Variants in TMIGD1 observed in about 807,000 individuals in gnomAD.
The protein encoded by TMIGD1 is transmembrane and immunoglobulin domain containing 1, also known as transmembrane and immunoglobulin domain-containing protein 1.
Under a neutral mutation model 27.5 loss-of-function variants are expected in TMIGD1, and 29 were observed. The ratio of observed to expected loss-of-function variants is 1.05; its 90% CI spans 0.78 to 1.44. The LOEUF (loss-of-function observed/expected upper bound fraction) is 1.44. TMIGD1 is among the 40% of genes most tolerant of loss of function. The pLI is 0.00. For missense variants in TMIGD1, 334 were observed against 310.6 expected (o/e 1.08, Z -0.57); for synonymous variants, 109 against 110.3 (o/e 0.99, Z 0.07).
chr17:30,328,325 T>C (rs1200546361), intron 3 of TMIGD1, among the ~76,000 whole-genome samples: 1 of 152,144 alleles, frequency 6.6e-6, no homozygotes, highest in African/African-American at 2.4e-5. Context: ...CATGAGCCAC[T>C]GTGCCAGGCC....
chr17:30,323,340 C>G (rs1403066655), intron 4 of TMIGD1, among the ~76,000 whole-genome samples: 1 of 152,112 alleles, frequency 6.6e-6, no homozygotes, highest in Admixed American at 6.5e-5. Flanking sequence ...ATCTTGTGCT[C>G]AAGAAAAGAT....
chr17:30,326,697 T>A (rs1019618340), intron 3 of TMIGD1, among the ~76,000 whole-genome samples: 3 of 152,232 alleles, frequency 2.0e-5, no homozygotes, highest in African/African-American at 7.2e-5. Context: ...TCCTTGTACA[T>A]ATCTCTTTAT....
At chr17:30,327,045 T>TACACACGC (rs1909804606) in intron 3 of TMIGD1, among the ~76,000 whole-genome samples, 2 of 146,494 alleles carry the variant, frequency 1.4e-5, no homozygotes, top group African/African-American at 5.0e-5. Flanking sequence ...CAATTAACTA[T>TACACACGC]ACACACACAC....
chr17:30,318,670 T>A (rs543635657), intron 5 of TMIGD1, 140 bp downstream of exon 5: 3 of 579,676 alleles, frequency 5.2e-6, no homozygotes, highest in Non-Finnish European at 9.2e-6. Flanking sequence ...CTTGAGCAAC[T>A]GTATTTTAGA....
At chr17:30,325,896 A>C (rs3110060) in intron 3 of TMIGD1, among the ~76,000 whole-genome samples, 53,714 of 151,940 alleles carry the variant, frequency 0.35, 10,183 homozygotes, top group Admixed American at 0.42. Flanking sequence ...CCTCTACAAT[A>C]AGGGCAGTTG....
rs748383295 is a variant in TMIGD1 at position 30,318,902 on chromosome 17, C to G, written c.652G>C (p.Gly218Arg). ...FHLIVKDKTV[G>R]VPIEPIIAAC... ...GCAATAATGGGCTCTATTGGTACAC[C>G]CACAGTTTTATCTGTAGGAAATGCA... The change falls in exon 5 of 7, where the codon GGT becomes CGT. Residue 218 changes from glycine to arginine, a missense_variant. By Grantham distance (125) the Gly-to-Arg change is moderately radical. Coordinates refer to ENST00000328886, the MANE Select transcript of TMIGD1 (RefSeq NM_206832.3). 1.2e-6 allele frequency: 2 copies of G among 1,612,182 alleles called. No homozygotes were observed. Among genetic ancestry groups the G allele is most frequent in the Non-Finnish European group, 8.5e-7 (1 of 1,178,404 alleles).
At chr17:30,319,261 A>AAAAAATATATATATATATATAT in intron 4 of TMIGD1, among the ~76,000 whole-genome samples, 3 of 69,044 alleles carry the variant, frequency 4.3e-5, no homozygotes, top group South Asian at 8.5e-4. Context: ...AAAAAAAAAA[A>AAAAAATATATATATATATATAT]ATATATATAT....
At chr17:30,333,557 T>C (rs950685148) in intron 1 of TMIGD1, among the ~76,000 whole-genome samples, 3 of 152,124 alleles carry the variant, frequency 2.0e-5, no homozygotes, top group East Asian at 1.9e-4. Flanking sequence ...AGAGCTGAAA[T>C]ATACCTATAC....
At chr17:30,320,055 G>A (rs1215161870) in intron 4 of TMIGD1, among the ~76,000 whole-genome samples, 1 of 141,230 alleles carries the variant, frequency 7.1e-6, no homozygotes, top group African/African-American at 2.6e-5. Context: ...TTTTTTTTTT[G>A]AGACGGAGTT....
intron 2 of TMIGD1, among the ~76,000 whole-genome samples, chr17:30,331,262 T>A (rs139497311): frequency 7.0e-4 from 106 of 152,150 alleles, no homozygotes; most frequent in African/African-American, 2.5e-3. Context: ...TATTAAAATA[T>A]GGAATATTGA....
In TMIGD1 at chr17:30,331,262, T is replaced by C. The variant is rs139497311; in HGVS notation, c.82+790A>G. ...TGTTGTCTAGTATTTTATTAAAATA[T>C]GGAATATTGAGTGGTTGTCATCTCT... On this transcript the variant is annotated intron_variant, in intron 2 of 6. Coordinates refer to ENST00000328886, the MANE Select transcript of TMIGD1 (RefSeq NM_206832.3). Among the ~76,000 whole-genome samples, 737 of 152,150 alleles carry C rather than the reference T, an allele frequency of 4.8e-3. 14 individuals carry two copies. The highest frequency in any genetic ancestry group is 0.039 in the Admixed American group (603 of 15,276).
At chr17:30,318,017 GT>G (rs1909475834) in intron 5 of TMIGD1, among the ~76,000 whole-genome samples, 1 of 151,976 alleles carries the variant, frequency 6.6e-6, no homozygotes, top group Non-Finnish European at 1.5e-5. Flanking sequence ...ACAGTGAGCT[GT>G]GATCAAGGCA....
chr17:30,329,452 A>G lies in TMIGD1; in HGVS notation c.160T>C (p.Cys54Arg), dbSNP rs536480071. 151 of 1,614,216 alleles carry G rather than the reference A, an allele frequency of 9.4e-5. No individual in the cohort carries two copies. The highest frequency in any genetic ancestry group is 3.1e-4 in the East Asian group (14 of 44,894). ...TTPGSQASLICAVQNHTREEE... is the reference protein window; with the variant it reads ...TTPGSQASLIRAVQNHTREEE... Reference sequence around the variant, plus strand: ...TCTCTGGTGTGGTTTTGAACAGCACATATCAGAGATGCTTGGGAGCCAGGT... The same window carrying G: ...TCTCTGGTGTGGTTTTGAACAGCACGTATCAGAGATGCTTGGGAGCCAGGT... Residue 54 changes from cysteine to arginine, a missense_variant, in exon 3 of 7, where the codon TGT (cysteine) becomes CGT (arginine). Cys to Arg is a radical substitution (Grantham distance 180, BLOSUM62 -3). Coordinates refer to ENST00000328886, the MANE Select transcript of TMIGD1 (RefSeq NM_206832.3).
intron 2 of TMIGD1, among the ~76,000 whole-genome samples, chr17:30,331,061 G>A (rs1308841744): frequency 6.6e-6 from 1 of 152,110 alleles, no homozygotes; most frequent in East Asian, 1.9e-4. Context: ...CAGGCATGGT[G>A]GCGGGCTCCT....
At chr17:30,329,077 CAG>C (rs1219400315) in intron 3 of TMIGD1, among the ~76,000 whole-genome samples, 172 bp downstream of exon 3, 2 of 151,760 alleles carry the variant, frequency 1.3e-5, no homozygotes, top group Non-Finnish European at 2.9e-5. Flanking sequence ...GGCAAATTCT[CAG>C]AGTTTGGCGA....
chr17:30,320,344 CTTTA>C (rs1229904431), intron 4 of TMIGD1, among the ~76,000 whole-genome samples: 1 of 152,022 alleles, frequency 6.6e-6, no homozygotes. Flanking sequence ...CCAAGAGCTA[CTTTA>C]TTTATCAGTC....
intron 2 of TMIGD1, among the ~76,000 whole-genome samples, chr17:30,331,298 A>G (rs1326820205): frequency 6.8e-6 from 1 of 147,852 alleles, no homozygotes; most frequent in Non-Finnish European, 1.5e-5. Context: ...GGATGAAAGT[A>G]TTTGGGGGGA....
At position 30,329,539 on chromosome 17, in the gene TMIGD1, T is replaced by C. The variant is rs770092842; in HGVS notation, c.83-10A>G. 11 of 1,603,682 alleles carry C rather than the reference T, an allele frequency of 6.9e-6. No individual in the cohort carries two copies. The highest frequency in any genetic ancestry group is 3.3e-5 in the South Asian group (3 of 90,794). On this transcript the variant is annotated splice_polypyrimidine_tract_variant and intron_variant, in intron 2 of 6. Transcript: ENST00000328886. ...ACAGTTAAAACAGAACCTGGGAGTA[T>C]AGGGAGAAACTATTTAGATATACAG...
At chr17:30,317,586 C>A (rs538066105) in intron 5 of TMIGD1, among the ~76,000 whole-genome samples, 1 of 151,978 alleles carries the variant, frequency 6.6e-6, no homozygotes, top group African/African-American at 2.4e-5. Flanking sequence ...TGGTGAAACC[C>A]TGTCTCTACT....
Sources: allele counts gnomAD v4.1 joint callset (sites outside exome capture counted in the v4.1 genomes callset), GRCh38; gene constraint gnomAD v4.1.1; transcripts MANE v1.5; gene names NCBI Gene and HGNC (gene_info 2026-07-23, HGNC 2026-07-21).